ATP9B: variants seen among roughly 807,000 people sequenced by gnomAD.
ATP9B encodes the protein probable phospholipid-transporting ATPase IIB.
A neutral mutation model predicts 146.1 loss-of-function variants in ATP9B; 110 were observed. The observed-to-expected ratio is 0.75, with a 90% CI of 0.65 to 0.88. The LOEUF is 0.88. Among genes scored for constraint, ATP9B ranks in the 40% least tolerant of loss-of-function variants. The probability of loss-of-function intolerance (pLI) is 0.00; values close to 1 mark genes in which losing one functional copy is unlikely to be tolerated. For synonymous variants in ATP9B, 604 were observed against 569.7 expected, an observed-to-expected ratio of 1.06 and a Z score of -0.86; for missense variants, 1,499 against 1,496.4, an observed-to-expected ratio of 1.00 and a Z score of -0.03.
chr18:79,227,818 T>C (rs2095752011), intron 11 of ATP9B, among the ~76,000 whole-genome samples: 5 of 152,242 alleles, frequency 3.3e-5, no homozygotes, highest in Admixed American at 3.3e-4. Context: ...AGCCCAGCAC[T>C]TGGGTCTGTG....
Position 79,206,853 on chromosome 18 carries a change from C to T in ATP9B, c.955-84C>T, listed in dbSNP as rs149861710. ...GTTCACTTGGATTGAGCTTGTGGAC[C>T]TGTTTCTAATACTGAGGTTATATAA... On this transcript the variant is annotated intron_variant, in intron 9 of 29. Coordinates refer to ENST00000426216, the MANE Select transcript of ATP9B (RefSeq NM_198531.5). The T allele has an allele frequency of 2.9e-4, 369 of 1,278,768 alleles. 1 individual carries two copies. In the African/African-American group the frequency reaches 4.9e-3, roughly 17 times the overall value. The allele number at this position is 1,278,768 out of a possible 1,614,324, so 79.2% of individuals were successfully genotyped here. A position where few individuals can be genotyped will look rare whatever the true frequency, so the allele number is the denominator to read the frequency against.
intron 4 of ATP9B, among the ~76,000 whole-genome samples, chr18:79,122,901 T>C (rs2094213590): frequency 6.6e-6 from 1 of 152,180 alleles, no homozygotes; most frequent in South Asian, 2.1e-4. Flanking sequence ...TATTGTATAT[T>C]CTTCACTCTA....
At chr18:79,129,434 G>C (rs1396139419) in intron 5 of ATP9B, among the ~76,000 whole-genome samples, 1 of 152,162 alleles carries the variant, frequency 6.6e-6, no homozygotes, top group Non-Finnish European at 1.5e-5. Context: ...AATCTTCAGT[G>C]AGGCTGCCGC....
At chr18:79,208,692 TTATATATAAATTACATC>T (rs2095556636) in intron 10 of ATP9B, among the ~76,000 whole-genome samples, 1 of 152,182 alleles carries the variant, frequency 6.6e-6, no homozygotes, top group Admixed American at 6.5e-5. Flanking sequence ...ATGATGTTAT[TTATATATAAATTACATC>T]TATATATAAA....
chr18:79,106,590 T>C (rs2075666667), intron 2 of ATP9B, among the ~76,000 whole-genome samples: 1 of 152,206 alleles, frequency 6.6e-6, no homozygotes, highest in Non-Finnish European at 1.5e-5. Context: ...CATGATATGA[T>C]AGTGGCGTCT....
At chr18:79,196,807 A>G (rs1457823120) in intron 9 of ATP9B, among the ~76,000 whole-genome samples, 1 of 152,242 alleles carries the variant, frequency 6.6e-6, no homozygotes, top group Non-Finnish European at 1.5e-5. Flanking sequence ...CAGTCTTGGT[A>G]CTTAACAAGA....
intron 1 of ATP9B, among the ~76,000 whole-genome samples, chr18:79,082,027 G>A (rs906395143): frequency 3.3e-5 from 5 of 152,054 alleles, no homozygotes; most frequent in Non-Finnish European, 7.4e-5. Flanking sequence ...CATTCTCCCC[G>A]TCACATTCAT....
At chr18:79,270,302 C>G (rs11662814) in intron 12 of ATP9B, among the ~76,000 whole-genome samples, 131,674 of 150,564 alleles carry the variant, frequency 0.87, 57,369 homozygotes, top group East Asian at 1. Context: ...TGTGGCAGCT[C>G]TGTGTGTGTG....
rs777048378 is a variant in ATP9B, at chr18:79,348,216, TG to T, written c.2903+21del. On this transcript the variant is annotated intron_variant, in intron 25 of 29. Transcript: ENST00000426216. ...GGTGGGGTAAGTTACACTCAGAACC[TG>T]CCAGCTCATCCAGGGGAGGACTTCT... 1.5e-6 allele frequency: 2 copies of T among 1,331,206 alleles called. No individual in the cohort carries two copies. Among genetic ancestry groups the T allele is most frequent in the Non-Finnish European group, 2.1e-6 (2 of 945,352 alleles). 82.5% of individuals were successfully genotyped at this position (1,331,206 alleles called of 1,614,324 possible). A position where few individuals can be genotyped will look rare whatever the true frequency, so the allele number is the denominator to read the frequency against.
chr18:79,111,191 C>T (rs2075984663), intron 3 of ATP9B, among the ~76,000 whole-genome samples: 2 of 152,018 alleles, frequency 1.3e-5, no homozygotes, highest in Admixed American at 6.5e-5. Context: ...TATGTCATTC[C>T]TTATTTTAAT....
chr18:79,340,946 T>A (rs1176908044), intron 19 of ATP9B, among the ~76,000 whole-genome samples: 1 of 152,200 alleles, frequency 6.6e-6, no homozygotes, highest in African/African-American at 2.4e-5. Flanking sequence ...GTGTGCTTGC[T>A]TTGTGTGGAA....
intron 11 of ATP9B, among the ~76,000 whole-genome samples, chr18:79,227,679 A>G (rs2148544806): frequency 6.6e-6 from 1 of 152,244 alleles, no homozygotes; most frequent in African/African-American, 2.4e-5. Flanking sequence ...CCCTCTTTAC[A>G]TCCCTCAGCA....
chr18:79,237,266 A>C (rs1599160936), intron 11 of ATP9B, among the ~76,000 whole-genome samples: 1 of 114,786 alleles, frequency 8.7e-6, no homozygotes, highest in Non-Finnish European at 1.8e-5. Context: ...GTCAGTGTCC[A>C]CACCTGCCCC....
At chr18:79,089,393 C>T (rs542645021) in intron 1 of ATP9B, among the ~76,000 whole-genome samples, 2 of 152,232 alleles carry the variant, frequency 1.3e-5, no homozygotes, top group Admixed American at 6.5e-5. Flanking sequence ...TGTTCCTGCC[C>T]ATCTCTTCAG....
intron 15 of ATP9B, among the ~76,000 whole-genome samples, chr18:79,319,465 G>A (rs994471474): frequency 5.9e-5 from 9 of 151,554 alleles, no homozygotes; most frequent in East Asian, 3.9e-4. Context: ...TTCCATAGGG[G>A]CCCCCGCCTC....
At chr18:79,097,113 G>A (rs896655384) in intron 2 of ATP9B, among the ~76,000 whole-genome samples, 4 of 149,670 alleles carry the variant, frequency 2.7e-5, no homozygotes, top group Admixed American at 6.6e-5. Flanking sequence ...AGCCGAGATC[G>A]AGCCACTGCA....
intron 2 of ATP9B, among the ~76,000 whole-genome samples, chr18:79,100,749 A>G (rs1211885628): frequency 6.6e-6 from 1 of 152,208 alleles, no homozygotes; most frequent in Admixed American, 6.5e-5. Context: ...GACTCACAGT[A>G]GTTCCACATG....
At chr18:79,221,885 TTTTG>T (rs1293401341) in intron 11 of ATP9B, among the ~76,000 whole-genome samples, 8 of 150,256 alleles carry the variant, frequency 5.3e-5, no homozygotes, top group African/African-American at 2.0e-4. Flanking sequence ...TTTTTTTTTT[TTTTG>T]CCTTTATTTT....
rs2071430575 is a variant in ATP9B at position 79,069,465 on chromosome 18, A to C, written c.55A>C (p.Asn19His). Residue 19 changes from asparagine (N) to histidine (H), a missense_variant, in exon 1 of 30, where the codon AAC becomes CAC. Coordinates refer to ENST00000426216, the MANE Select transcript of ATP9B (RefSeq NM_198531.5). Reference sequence around the variant, plus strand: ...GCGTAGCGCAGCGGCGGCCGCAGCCAACCGCAAACGCGCGGCCTACTACAG... The same window carrying C: ...GCGTAGCGCAGCGGCGGCCGCAGCCCACCGCAAACGCGCGGCCTACTACAG... Reference protein sequence around the residue: ...PVRSAAAAAANRKRAAYYSAA... With the variant: ...PVRSAAAAAAHRKRAAYYSAA... 1 of 1,507,958 alleles carries C rather than the reference A, an allele frequency of 6.6e-7. No homozygotes were observed. Among genetic ancestry groups the C allele is most frequent in the African/African-American group, 1.4e-5 (1 of 69,466 alleles). 93.4% of individuals were successfully genotyped at this position (1,507,958 alleles called of 1,614,324 possible).
Sources: allele counts gnomAD v4.1 joint callset (sites outside exome capture counted in the v4.1 genomes callset), GRCh38; gene constraint gnomAD v4.1.1; transcripts MANE v1.5; gene names NCBI Gene and HGNC (gene_info 2026-07-23, HGNC 2026-07-21).